The following ZFAND1 variants were observed in gnomAD, a reference collection of about 807,000 sequenced individuals.
ZFAND1 encodes AN1-type zinc finger protein 1.
A neutral mutation model predicts 38.5 loss-of-function variants in ZFAND1; 40 were observed. That is an observed-to-expected ratio of 1.04 (90% CI 0.81 to 1.35). The LOEUF (loss-of-function observed/expected upper bound fraction) is 1.35, where lower values mean the gene tolerates loss of function less well. Ranked by LOEUF, ZFAND1 falls within the 40% of genes most tolerant of loss-of-function variation. The pLI, the probability that ZFAND1 is intolerant of heterozygous loss-of-function variation, is 0.00. For synonymous variants in ZFAND1, 117 were observed against 103.6 expected (o/e 1.13, Z -0.78); for missense variants, 346 against 316.3 (o/e 1.09, Z -0.71).
chr8:81,709,236 A>T (rs1268868969), intron 6 of ZFAND1, among the ~76,000 whole-genome samples: 1 of 152,206 alleles, frequency 6.6e-6, no homozygotes, highest in Admixed American at 6.5e-5. Flanking sequence ...TCTACTAGGC[A>T]TTAATGAGAG....
chr8:81,719,310 AACACAC>A (rs71268018), intron 1 of ZFAND1, among the ~76,000 whole-genome samples: 256 of 124,936 alleles, frequency 2.0e-3, no homozygotes, highest in South Asian at 6.8e-3. Flanking sequence ...CTCTACTGAA[AACACAC>A]ACACACACAC....
At chr8:81,713,480 T>C (rs1808204399) in intron 6 of ZFAND1, among the ~76,000 whole-genome samples, 1 of 152,092 alleles carries the variant, frequency 6.6e-6, no homozygotes, top group Non-Finnish European at 1.5e-5. Flanking sequence ...CACTCAACTG[T>C]GTTAAGGTAT....
chr8:81,716,883 G>T (rs907167877), intron 3 of ZFAND1, among the ~76,000 whole-genome samples: 4 of 152,096 alleles, frequency 2.6e-5, no homozygotes, highest in Non-Finnish European at 5.9e-5. Flanking sequence ...GGAGGCGGAG[G>T]TTGCAGTGAG....
intron 6 of ZFAND1, among the ~76,000 whole-genome samples, chr8:81,710,477 A>G (rs1183600237): frequency 6.6e-6 from 1 of 152,208 alleles, no homozygotes; most frequent in Non-Finnish European, 1.5e-5. Context: ...TCAAAGAAAA[A>G]GGGTGATGAG....
At position 81,701,445 on chromosome 8, in the gene ZFAND1, C is replaced by T. The variant is rs999102835; in HGVS notation, c.*1250G>A. On this transcript the variant is annotated 3_prime_UTR_variant, in exon 8 of 8. Transcript: ENST00000220669. ...ATAGTGTAAACATAATTTTTATATG[C>T]CCTGGGAAACAAAAAAAAATTTGTC... The T allele has an allele frequency of 1.8e-4, 25 of 142,008 alleles. No individual in the cohort carries two copies. Among genetic ancestry groups the T allele is most frequent in the Non-Finnish European group, 3.9e-4 (25 of 64,828 alleles). 8.8% of individuals were successfully genotyped at this position (142,008 alleles called of 1,614,324 possible).
At chr8:81,711,161 C>G (rs1808129520) in intron 6 of ZFAND1, among the ~76,000 whole-genome samples, 2 of 152,148 alleles carry the variant, frequency 1.3e-5, no homozygotes, top group Non-Finnish European at 2.9e-5. Context: ...CGCCTGTAAT[C>G]CCAGCACTTT....
chr8:81,701,881 T>C lies in ZFAND1; in HGVS notation c.*814A>G, dbSNP rs1268638547. On this transcript the variant is annotated 3_prime_UTR_variant, in exon 8 of 8. Coordinates refer to ENST00000220669, the MANE Select transcript of ZFAND1 (RefSeq NM_024699.3). The stretch of plus-strand genomic sequence containing the variant: ...ATAGATAGTAAACACTAGTCAAGAA[T>C]ACTCGTCTAAATATGTTGGTAAAAT... 6.6e-6 allele frequency: 1 copy of C among 152,226 alleles called. No homozygotes were observed. The highest frequency in any genetic ancestry group is 1.5e-5 in the Non-Finnish European group (1 of 68,024). 9.4% of individuals were successfully genotyped at this position (152,226 alleles called of 1,614,324 possible).
chr8:81,703,051 T>C lies in ZFAND1; in HGVS notation c.554A>G (p.His185Arg). The C allele has an allele frequency of 4.4e-6, 7 of 1,580,752 alleles. No homozygotes were observed. Among genetic ancestry groups the C allele is most frequent in the Non-Finnish European group, 6.0e-6 (7 of 1,159,010 alleles). ...TATGGCCTTTCCAATGCTCCATCGG[T>C]GGCAAAAGAACATTGGTTTGCTCTT... is the stretch of plus-strand genomic sequence containing the variant. ...KEKSKPMFFC[H>R]RWSIGKAIDF... Residue 185 changes from histidine to arginine, a missense_variant, in exon 7 of 8, where the codon CAC (histidine) becomes CGC (arginine). Coordinates refer to ENST00000220669, the MANE Select transcript of ZFAND1 (RefSeq NM_024699.3).
At chr8:81,714,248 A>T in intron 5 of ZFAND1, 1 of 469,918 alleles carries the variant, frequency 2.1e-6, no homozygotes, top group East Asian at 4.0e-5. Flanking sequence ...CACATCAAAA[A>T]ATCCACTATA....
intron 6 of ZFAND1, among the ~76,000 whole-genome samples, chr8:81,713,018 A>G (rs1415645157): frequency 2.0e-5 from 3 of 152,212 alleles, no homozygotes; most frequent in Admixed American, 2.0e-4. Flanking sequence ...TTCTAGGTAT[A>G]TTCCCTAAAG....
At chr8:81,716,535 A>G (rs1808317445) in intron 3 of ZFAND1, among the ~76,000 whole-genome samples, 1 of 152,226 alleles carries the variant, frequency 6.6e-6, no homozygotes, top group Admixed American at 6.5e-5. Flanking sequence ...ACTGAGCCAG[A>G]ATGATTTACT....
At position 81,714,871 on chromosome 8, in the gene ZFAND1, C is replaced by G. The variant is rs1286154330; in HGVS notation, c.291G>C (p.Glu97Asp). The change falls in exon 5 of 8, where the codon GAG becomes GAC. Residue 97 changes from glutamate (E) to aspartate (D), a missense_variant. Transcript: ENST00000220669. ...GCTTTGGGATTTCCAGTTTTTCACACTCATGATCTGACTGATGACGGTGTC... is the reference window on the plus strand; with the variant it reads ...GCTTTGGGATTTCCAGTTTTTCACAGTCATGATCTGACTGATGACGGTGTC... ...CLRHRHQSDH[E>D]CEKLEIPKPR... The G allele has an allele frequency of 8.7e-6, 14 of 1,613,942 alleles. No homozygotes were observed. Among genetic ancestry groups the G allele is most frequent in the Non-Finnish European group, 1.1e-5 (13 of 1,179,958 alleles).
At chr8:81,710,352 TCAAA>T (rs924909940) in intron 6 of ZFAND1, among the ~76,000 whole-genome samples, 1 of 151,870 alleles carries the variant, frequency 6.6e-6, no homozygotes, top group African/African-American at 2.4e-5. Flanking sequence ...TTTAAAAAAA[TCAAA>T]CAAAATTTCA....
chr8:81,721,281 TC>T lies in ZFAND1; in HGVS notation c.-1del. 6.5e-7 allele frequency: 1 copy of T among 1,548,584 alleles called. No homozygotes were observed. Among genetic ancestry groups the T allele is most frequent in the Non-Finnish European group, 8.7e-7 (1 of 1,146,970 alleles). On this transcript the variant is annotated 5_prime_UTR_variant, in exon 1 of 8. Transcript: ENST00000220669. ...TGCTGCCCGATGTCCAACTCCGCCA[TC>T]TCTCCGGCGCCGTAAGGGGCGGGGC...
intron 6 of ZFAND1, among the ~76,000 whole-genome samples, chr8:81,709,843 T>C (rs537520286): frequency 1.2e-4 from 19 of 152,354 alleles, no homozygotes; most frequent in African/African-American, 4.1e-4. Flanking sequence ...GCTATGTTAA[T>C]AGAATGTTAC....
At position 81,702,843 on chromosome 8, in the gene ZFAND1, G is replaced by C. The variant is rs377085653; in HGVS notation, c.659C>G (p.Thr220Ser). The change falls in exon 8 of 8, where the codon ACT becomes AGT. Residue 220 changes from threonine (T) to serine (S), a missense_variant. Coordinates refer to ENST00000220669, the MANE Select transcript of ZFAND1 (RefSeq NM_024699.3). Reference sequence around the variant, plus strand: ...ATCCAAGGGTAAGGCTTCTCCTGAAGTAATGTGACACAGCCTTAATTTCTG... The same window carrying C: ...ATCCAAGGGTAAGGCTTCTCCTGAACTAATGTGACACAGCCTTAATTTCTG... ...TAKKLRLCHI[T>S]SGEALPLDHT... The C allele has an allele frequency of 6.3e-7, 1 of 1,597,132 alleles. No homozygotes were observed. The highest frequency in any genetic ancestry group is 1.3e-5 in the African/African-American group (1 of 74,326).
chr8:81,715,124 C>T lies in ZFAND1; in HGVS notation c.139-10G>A. Reference sequence around the variant, plus strand: ...CATTGATTACAGTCACCTGAAAATGCAAAAAGGAGGAAATGTATTACATTT... The same window carrying T: ...CATTGATTACAGTCACCTGAAAATGTAAAAAGGAGGAAATGTATTACATTT... On this transcript the variant is annotated splice_polypyrimidine_tract_variant and intron_variant, in intron 3 of 7. Coordinates refer to ENST00000220669, the MANE Select transcript of ZFAND1 (RefSeq NM_024699.3). The T allele has an allele frequency of 1.9e-6, 3 of 1,604,922 alleles. No individual in the cohort carries two copies. The highest frequency in any genetic ancestry group is 1.7e-6 in the Non-Finnish European group (2 of 1,176,986).
In ZFAND1 at chr8:81,701,475, T is replaced by C. The variant is rs1023736032; in HGVS notation, c.*1220A>G. On this transcript the variant is annotated 3_prime_UTR_variant, in exon 8 of 8. Coordinates refer to ENST00000220669, the MANE Select transcript of ZFAND1 (RefSeq NM_024699.3). ...GGAAACAAAAAAAAATTTGTCTGGCTCAATATACTCCAATATTTGCTTTGT... is the reference window on the plus strand; with the variant it reads ...GGAAACAAAAAAAAATTTGTCTGGCCCAATATACTCCAATATTTGCTTTGT... The C allele has an allele frequency of 6.6e-6, 1 of 152,178 alleles. No individual in the cohort carries two copies. Among genetic ancestry groups the C allele is most frequent in the Non-Finnish European group, 1.5e-5 (1 of 68,030 alleles). The allele number at this position is 152,178 out of a possible 1,614,324, so 9.4% of individuals were successfully genotyped here.
Position 81,714,030 on chromosome 8 carries a change from G to A in ZFAND1, c.368C>T (p.Thr123Ile). 1 of 1,605,322 alleles carries A rather than the reference G, an allele frequency of 6.2e-7. No homozygotes were observed. Among genetic ancestry groups the A allele is most frequent in the Non-Finnish European group, 8.5e-7 (1 of 1,177,416 alleles). ...CCATCGTTTACTTGCTGTTTCTCCT[G>A]TCTTGGAATCTAAGAAGTGTAAGCA... is the stretch of plus-strand genomic sequence containing the variant. ...KLVKDIIDSKTGETASKRWKG... is the reference protein window; with the variant it reads ...KLVKDIIDSKIGETASKRWKG... Residue 123 changes from threonine (T) to isoleucine (I), a missense_variant, in exon 6 of 8, where the codon ACA becomes ATA. Physicochemically the swap from Thr to Ile is moderately conservative, Grantham distance 89. Transcript: ENST00000220669.
Sources: allele counts gnomAD v4.1 joint callset (sites outside exome capture counted in the v4.1 genomes callset), GRCh38; gene constraint gnomAD v4.1.1; transcripts MANE v1.5; gene names NCBI Gene and HGNC (gene_info 2026-07-23, HGNC 2026-07-21).